The following FOXP2 variants were observed in gnomAD, a reference collection of about 807,000 sequenced individuals.
FOXP2 encodes the protein forkhead box protein P2.
FOXP2 carries 12 observed loss-of-function variants against 115.8 expected under a neutral mutation model. The observed-to-expected ratio is 0.10, with a 90% confidence interval of 0.07 to 0.17. The LOEUF is 0.17. Among genes scored for constraint, FOXP2 ranks in the 10% least tolerant of loss-of-function variants. The pLI is 1.00. For missense variants in FOXP2, 629 were observed against 843.5 expected, an observed-to-expected ratio of 0.75 and a Z score of 3.15; for synonymous variants, 328 against 297.7, an observed-to-expected ratio of 1.10 and a Z score of -1.05.
chr7:114,197,668 TAA>T (rs547082504), intron 1 of FOXP2, among the ~76,000 whole-genome samples: 345 of 152,266 alleles, frequency 2.3e-3, no homozygotes, highest in Non-Finnish European at 3.3e-3. Flanking sequence ...GATGCTAAAA[TAA>T]AAAGACTTTT....
intron 2 of FOXP2, among the ~76,000 whole-genome samples, chr7:114,389,743 G>T (rs948199115): frequency 3.9e-5 from 6 of 152,088 alleles, no homozygotes; most frequent in Non-Finnish European, 7.3e-5. Flanking sequence ...ATCAAGTTTG[G>T]CCGGGCGCAG....
intron 1 of FOXP2, among the ~76,000 whole-genome samples, chr7:114,224,500 T>C (rs1456578325): frequency 4.6e-5 from 7 of 152,190 alleles, no homozygotes; most frequent in Admixed American, 4.6e-4. Context: ...TTGGGTTTCT[T>C]AGCTATTATG....
In FOXP2 at chr7:114,489,381, T is replaced by C. The variant is rs187193455; in HGVS notation, c.169-45236T>C. 5.1e-4 allele frequency among the ~76,000 whole-genome samples: 78 copies of C among 152,270 alleles called. 1 individual carries two copies. Among genetic ancestry groups the C allele is most frequent in the African/African-American group, 1.8e-3 (75 of 41,572 alleles). On this transcript the variant is annotated intron_variant, in intron 2 of 16. Coordinates refer to ENST00000350908, the MANE Select transcript of FOXP2 (RefSeq NM_014491.4). The stretch of plus-strand genomic sequence containing the variant: ...TAAGGATTTGGTTACAGCTTGGAAA[T>C]AGTCAATTCATCTAACTACATGAAT...
intron 3 of FOXP2, among the ~76,000 whole-genome samples, chr7:114,603,188 G>A (rs1014484687): frequency 1.2e-4 from 19 of 152,134 alleles, no homozygotes; most frequent in East Asian, 1.2e-3. Flanking sequence ...CAAAGTTGAG[G>A]CTCAGGTGCA....
At chr7:114,501,719 A>G (rs769543845) in intron 2 of FOXP2, among the ~76,000 whole-genome samples, 1 of 152,124 alleles carries the variant, frequency 6.6e-6, no homozygotes, top group Non-Finnish European at 1.5e-5. Context: ...TCTTAACTAT[A>G]TTTTCCAATA....
At chr7:114,411,095 A>G (rs569781595), upstream of FOXP2, among the ~76,000 whole-genome samples, 1 of 152,130 alleles carries the variant, frequency 6.6e-6, no homozygotes, top group Non-Finnish European at 1.5e-5. Context: ...TAAGGTATTA[A>G]GATTGGGATT....
chr7:114,654,248 C>A, intron 10 of FOXP2: 1 of 874,468 alleles, frequency 1.1e-6, no homozygotes, highest in Non-Finnish European at 1.6e-6. Flanking sequence ...TATCAGTGCA[C>A]AAATCACTGC....
At chr7:114,303,080 T>C (rs1343110112) in intron 2 of FOXP2, among the ~76,000 whole-genome samples, 5 of 152,162 alleles carry the variant, frequency 3.3e-5, no homozygotes, top group African/African-American at 1.2e-4. Context: ...AATTGCAGGG[T>C]AATAAATGCA....
chr7:114,223,414 C>T (rs533013047), intron 1 of FOXP2, among the ~76,000 whole-genome samples: 50 of 147,982 alleles, frequency 3.4e-4, no homozygotes, highest in African/African-American at 1.2e-3. Flanking sequence ...TTTTTTTTGT[C>T]GCTTTCCCAT....
At chr7:114,201,186 T>A (rs187394205) in intron 1 of FOXP2, among the ~76,000 whole-genome samples, 1 of 151,554 alleles carries the variant, frequency 6.6e-6, no homozygotes, top group East Asian at 1.9e-4. Flanking sequence ...ACCAACCTAA[T>A]TTGGCTGGGC....
chr7:114,644,330 C>T (rs1040813244), intron 7 of FOXP2, among the ~76,000 whole-genome samples: 10 of 152,162 alleles, frequency 6.6e-5, no homozygotes, highest in African/African-American at 2.2e-4. Context: ...TCCTATTATT[C>T]TCTTGAAAAT....
chr7:114,120,923 C>T (rs539426565), intron 1 of FOXP2, among the ~76,000 whole-genome samples: 2 of 151,986 alleles, frequency 1.3e-5, no homozygotes, highest in East Asian at 3.9e-4. Flanking sequence ...AAATTTGATG[C>T]AATTTGATGG....
At chr7:114,340,636 C>T (rs1193170466) in intron 2 of FOXP2, among the ~76,000 whole-genome samples, 1 of 151,118 alleles carries the variant, frequency 6.6e-6, no homozygotes, top group Non-Finnish European at 1.5e-5. Context: ...CCTCTAACCA[C>T]TGTGGTGTGA....
chr7:114,405,108 G>A (rs1793000673), intron 2 of FOXP2, among the ~76,000 whole-genome samples: 3 of 151,752 alleles, frequency 2.0e-5, no homozygotes, highest in South Asian at 4.1e-4. Flanking sequence ...AAGTGAATAT[G>A]TGGCCCCCTA....
intron 2 of FOXP2, among the ~76,000 whole-genome samples, chr7:114,435,518 G>T (rs1347325206): frequency 3.3e-5 from 5 of 152,084 alleles, no homozygotes; most frequent in Non-Finnish European, 7.4e-5. Context: ...GATCTTGTTT[G>T]TTGTGCTCAG....
chr7:114,480,729 ACG>A (rs1796496824), intron 2 of FOXP2, among the ~76,000 whole-genome samples: 1 of 150,620 alleles, frequency 6.6e-6, no homozygotes, highest in South Asian at 2.1e-4. Context: ...ATACATATAC[ACG>A]TATATATGTG....
chr7:114,685,540 A>G (rs1280198018), intron 16 of FOXP2, among the ~76,000 whole-genome samples: 1 of 152,144 alleles, frequency 6.6e-6, no homozygotes, highest in Admixed American at 6.6e-5. Flanking sequence ...TTCATGATTT[A>G]CCCCACAGTG....
Position 114,538,429 on chromosome 7 carries a change from C to T in FOXP2, c.258+3723C>T, listed in dbSNP as rs560895211. 8.7e-4 allele frequency: 956 copies of T among 1,093,142 alleles called. 1 individual carries two copies. The highest frequency in any genetic ancestry group is 1.1e-3 in the Non-Finnish European group (852 of 799,636). 67.7% of individuals were successfully genotyped at this position (1,093,142 alleles called of 1,614,324 possible). A position where few individuals can be genotyped will look rare whatever the true frequency, so the allele number is the denominator to read the frequency against. Reference sequence around the variant, plus strand: ...ATCTTAGATGAATATTAGTTTTTAGCATTGTAATCACTTCCTTCATTGTAG... The same window carrying T: ...ATCTTAGATGAATATTAGTTTTTAGTATTGTAATCACTTCCTTCATTGTAG... On this transcript the variant is annotated intron_variant, in intron 3 of 16. Coordinates refer to ENST00000350908, the MANE Select transcript of FOXP2 (RefSeq NM_014491.4).
intron 2 of FOXP2, among the ~76,000 whole-genome samples, chr7:114,395,464 A>G (rs552727317): frequency 1.3e-5 from 2 of 152,226 alleles, no homozygotes; most frequent in Admixed American, 6.5e-5. Flanking sequence ...TAGGAAGAAT[A>G]GGAAAGTAAA....
Sources: gnomAD v4.1 joint callset for allele counts (sites outside exome capture counted in the v4.1 genomes callset) on GRCh38, gnomAD v4.1.1 for gene constraint, MANE v1.5 for transcripts, NCBI Gene and HGNC (gene_info 2026-07-23, HGNC 2026-07-21) for gene names.